Variants in DPY19L1 observed in about 807,000 individuals in gnomAD.
DPY19L1 encodes dpy-19 like C-mannosyltransferase 1, also known as protein C-mannosyl-transferase DPY19L1.
Under a neutral mutation model 96.9 loss-of-function variants are expected in DPY19L1, and 35 were observed. That is an observed-to-expected ratio of 0.36 (90% CI 0.28 to 0.48). The LOEUF (loss-of-function observed/expected upper bound fraction) is 0.48, where lower values mean the gene tolerates loss of function less well. DPY19L1 is among the 20% of genes least tolerant of loss of function. The pLI is 0.99. For synonymous variants in DPY19L1, 205 were observed against 252.6 expected (o/e 0.81, Z 1.79); for missense variants, 521 against 777.9 (o/e 0.67, Z 3.93).
chr7:34,952,830 A>G (rs891888260), intron 13 of DPY19L1, among the ~76,000 whole-genome samples: 1 of 152,182 alleles, frequency 6.6e-6, no homozygotes, highest in Admixed American at 6.5e-5. Flanking sequence ...TATAAAAAAA[A>G]CACTCATATC....
intron 16 of DPY19L1, among the ~76,000 whole-genome samples, chr7:34,943,817 T>C (rs898665994): frequency 1.3e-5 from 2 of 152,166 alleles, no homozygotes; most frequent in Non-Finnish European, 2.9e-5. Context: ...CTTTGTAGCT[T>C]CTTCCTGAGC....
upstream of DPY19L1, chr7:35,037,562 C>T: frequency 3.3e-6 from 1 of 303,222 alleles, no homozygotes; most frequent in South Asian, 1.6e-4. Context: ...TCGTGGAGGC[C>T]GGGCGGCTGC....
At chr7:35,006,661 C>T (rs890784600) in intron 6 of DPY19L1, among the ~76,000 whole-genome samples, 10 of 152,052 alleles carry the variant, frequency 6.6e-5, no homozygotes, top group African/African-American at 2.4e-4. Context: ...TACTAAAATA[C>T]TGAGAATTCC....
At chr7:34,996,782 C>T (rs1433575898) in intron 6 of DPY19L1, among the ~76,000 whole-genome samples, 1 of 152,184 alleles carries the variant, frequency 6.6e-6, no homozygotes, top group Non-Finnish European at 1.5e-5. Flanking sequence ...CTGCATACAC[C>T]TCAACTCCTT....
intron 7 of DPY19L1, chr7:34,988,101 A>C (rs1785088235): frequency 6.6e-6 from 1 of 152,076 alleles, no homozygotes; most frequent in Non-Finnish European, 1.5e-5. Context: ...ATTTAAGAAA[A>C]CTTTGTAAGG....
intron 7 of DPY19L1, among the ~76,000 whole-genome samples, chr7:34,977,613 A>G (rs2128669571): frequency 6.6e-6 from 1 of 152,352 alleles, no homozygotes; most frequent in Admixed American, 6.5e-5. Context: ...TACAAACATA[A>G]TTGCCATTCC....
chr7:34,963,388 T>C (rs1044116589), intron 10 of DPY19L1, among the ~76,000 whole-genome samples: 3 of 152,194 alleles, frequency 2.0e-5, no homozygotes, highest in African/African-American at 7.2e-5. Context: ...TTTACAGGAA[T>C]GTAAAATGTA....
rs1441457038 is a variant in DPY19L1, at chr7:34,929,971, G to C, written c.*1602C>G. 6.6e-6 allele frequency: 1 copy of C among 152,266 alleles called. No individual in the cohort carries two copies. Among genetic ancestry groups the C allele is most frequent in the Non-Finnish European group, 1.5e-5 (1 of 68,112 alleles). 9.4% of individuals were successfully genotyped at this position (152,266 alleles called of 1,614,324 possible). A position where few individuals can be genotyped will look rare whatever the true frequency, so the allele number is the denominator to read the frequency against. On this transcript the variant is annotated 3_prime_UTR_variant, in exon 22 of 22. Coordinates refer to ENST00000638088, the MANE Select transcript of DPY19L1 (RefSeq NM_001366673.1). Reference sequence around the variant, plus strand: ...CAAGACTGGGGGGCGGTGCTTCTCTGAGGGCACACTCCTCAGCCTTTGCAG... The same window carrying C: ...CAAGACTGGGGGGCGGTGCTTCTCTCAGGGCACACTCCTCAGCCTTTGCAG...
intron 9 of DPY19L1, among the ~76,000 whole-genome samples, chr7:34,968,003 G>A (rs1784647141): frequency 6.6e-6 from 1 of 152,082 alleles, no homozygotes; most frequent in Non-Finnish European, 1.5e-5. Flanking sequence ...CCACAAAAAA[G>A]CAGGCAGTCT....
At chr7:35,029,455 C>T (rs1371068796) in intron 1 of DPY19L1, among the ~76,000 whole-genome samples, 2 of 152,108 alleles carry the variant, frequency 1.3e-5, no homozygotes, top group Non-Finnish European at 2.9e-5. Flanking sequence ...GTCCAGGCCC[C>T]ATCATATTCA....
chr7:35,022,948 G>A (rs1562830340), intron 1 of DPY19L1, among the ~76,000 whole-genome samples: 2 of 152,092 alleles, frequency 1.3e-5, no homozygotes, highest in East Asian at 1.9e-4. Flanking sequence ...CACTCCCCTC[G>A]GAGAGATTTC....
chr7:34,994,712 G>A (rs977102406), intron 6 of DPY19L1, among the ~76,000 whole-genome samples: 1 of 151,888 alleles, frequency 6.6e-6, no homozygotes, highest in Non-Finnish European at 1.5e-5. Flanking sequence ...GCTGAGGCAG[G>A]AGAATGGCGT....
rs115236977 is a variant in DPY19L1 at position 35,006,371 on chromosome 7, G to A, written c.764+4097C>T. Among the ~76,000 whole-genome samples, 1,314 of 152,218 alleles carry A rather than the reference G, an allele frequency of 8.6e-3. 14 individuals carry two copies. The highest frequency in any genetic ancestry group is 0.03 in the African/African-American group (1,242 of 41,512). On this transcript the variant is annotated intron_variant, in intron 6 of 21. Transcript: ENST00000638088. ...TCACCTGCTTGATATCTGCCTTAGA[G>A]TCCAACACCAAAAGTTTTTTGTATT... is the stretch of plus-strand genomic sequence containing the variant.
chr7:35,018,427 A>C (rs1192002742), intron 2 of DPY19L1, 145 bp downstream of exon 2: 1 of 698,110 alleles, frequency 1.4e-6, no homozygotes, highest in Non-Finnish European at 2.4e-6. Context: ...TTTATCAATT[A>C]AACTAGTTTT....
chr7:34,973,321 AAGG>A (rs1784765446), intron 8 of DPY19L1, among the ~76,000 whole-genome samples, 190 bp downstream of exon 8: 1 of 152,182 alleles, frequency 6.6e-6, no homozygotes, highest in Non-Finnish European at 1.5e-5. Context: ...TACCAAGAAA[AAGG>A]AGGAGGAACA....
At chr7:34,992,967 A>G (rs1785205876) in intron 6 of DPY19L1, among the ~76,000 whole-genome samples, 1 of 152,168 alleles carries the variant, frequency 6.6e-6, no homozygotes, top group Admixed American at 6.5e-5. Context: ...CCTTACTTCC[A>G]AAGTCTGACT....
chr7:34,962,091 C>T (rs536979027), intron 10 of DPY19L1, among the ~76,000 whole-genome samples: 41 of 152,288 alleles, frequency 2.7e-4, no homozygotes, highest in African/African-American at 9.9e-4. Context: ...ATATCACTTT[C>T]CTTGGTATTT....
At chr7:34,964,306 A>G (rs1784566602) in intron 10 of DPY19L1, among the ~76,000 whole-genome samples, 2 of 152,188 alleles carry the variant, frequency 1.3e-5, no homozygotes, top group Non-Finnish European at 2.9e-5. Context: ...TTTTATAACT[A>G]TAACTTTGAG....
At chr7:34,982,217 T>C (rs1254370722) in intron 7 of DPY19L1, among the ~76,000 whole-genome samples, 1 of 152,180 alleles carries the variant, frequency 6.6e-6, no homozygotes, top group Non-Finnish European at 1.5e-5. Context: ...AATGAGAATA[T>C]GGGCTGTATT....
Sources: allele counts gnomAD v4.1 joint callset (sites outside exome capture counted in the v4.1 genomes callset), GRCh38; gene constraint gnomAD v4.1.1; transcripts MANE v1.5; gene names NCBI Gene and HGNC (gene_info 2026-07-23, HGNC 2026-07-21).